Variants in ARID3C observed in about 807,000 individuals in gnomAD.
The protein encoded by ARID3C is AT-rich interactive domain-containing protein 3C.
A neutral mutation model predicts 37.9 loss-of-function variants in ARID3C; 42 were observed. The observed-to-expected ratio is 1.11, with a 90% confidence interval of 0.87 to 1.43. The LOEUF is 1.43. Among genes scored for constraint, ARID3C ranks in the 40% most tolerant of loss-of-function variants. The probability of loss-of-function intolerance (pLI) is 0.00; values close to 1 mark genes in which losing one functional copy is unlikely to be tolerated. For missense variants in ARID3C, 581 were observed against 548.8 expected (o/e 1.06, Z -0.59); for synonymous variants, 213 against 228.0 (o/e 0.93, Z 0.59).
At chr9:34,625,299 A>C (rs1820639793) in intron 2 of ARID3C, among the ~76,000 whole-genome samples, 1 of 152,084 alleles carries the variant, frequency 6.6e-6, no homozygotes, top group Admixed American at 6.6e-5. Context: ...CCACAGCCTC[A>C]ACTCACATAG....
At chr9:34,631,072 C>T (rs1587220590), upstream of ARID3C, among the ~76,000 whole-genome samples, 1 of 152,320 alleles carries the variant, frequency 6.6e-6, no homozygotes, top group Non-Finnish European at 1.5e-5. Flanking sequence ...GGGTAGCAAT[C>T]CACAGAACCC....
intron 1 of ARID3C, 75 bp from the exon 3 acceptor site, chr9:34,625,889 C>T: frequency 1.3e-6 from 2 of 1,541,598 alleles, no homozygotes; most frequent in Non-Finnish European, 1.8e-6. Context: ...CAGGTTGTAC[C>T]CTGAACAAGG....
At chr9:34,622,725 C>T (rs1820592645) in intron 4 of ARID3C, among the ~76,000 whole-genome samples, 196 bp from the exon 6 acceptor site, 1 of 152,212 alleles carries the variant, frequency 6.6e-6, no homozygotes, top group Non-Finnish European at 1.5e-5. Flanking sequence ...GATCAAGGTA[C>T]ATGTCTAGAC....
intron 1 of ARID3C, 150 bp downstream of exon 2, chr9:34,627,547 C>G: frequency 3.1e-6 from 2 of 649,002 alleles, no homozygotes; most frequent in Non-Finnish European, 5.0e-6. Context: ...CCAATCTTCT[C>G]TCTGTCTTTC....
chr9:34,629,091 ACCCGAGCGGGG>A (rs1820698758), upstream of ARID3C, among the ~76,000 whole-genome samples: 1 of 150,686 alleles, frequency 6.6e-6, no homozygotes, highest in Non-Finnish European at 1.5e-5. Flanking sequence ...CGGGGGCGGG[ACCCGAGCGGGG>A]CAGGGCGGGC....
chr9:34,626,406 A>G (rs1396387445), intron 1 of ARID3C, among the ~76,000 whole-genome samples: 1 of 152,134 alleles, frequency 6.6e-6, no homozygotes, highest in Non-Finnish European at 1.5e-5. Context: ...ACCTGCCTAC[A>G]GACGCTGCTA....
At chr9:34,624,090 C>A in intron 2 of ARID3C, 43 bp from the exon 4 acceptor site, 1 of 1,528,050 alleles carries the variant, frequency 6.5e-7, no homozygotes, top group East Asian at 2.4e-5. Context: ...AGACGAAGAC[C>A]CTGTCTGCAG....
chr9:34,623,693 C>A, exon 4 of ARID3C: 2 of 1,564,458 alleles, frequency 1.3e-6, no homozygotes, highest in East Asian at 2.3e-5. Context: ...CGCACTCGTA[C>A]GGGTACAGGT....
At chr9:34,624,225 G>C (rs540881810) in intron 2 of ARID3C, among the ~76,000 whole-genome samples, 178 bp from the exon 4 acceptor site, 1 of 151,188 alleles carries the variant, frequency 6.6e-6, no homozygotes, top group Non-Finnish European at 1.5e-5. Flanking sequence ...AGAACGGGGG[G>C]GGGCAAAGTT....
chr9:34,627,742 A>AG lies in ARID3C; in HGVS notation c.272dup (p.Gly92TrpfsTer18). Reference sequence around the variant, plus strand: ...AGGTCCACTCGTGGGGATGGAGTCCAGGGGGCTGGCTAGAAGGCGAGCTGG... The same window carrying AG: ...AGGTCCACTCGTGGGGATGGAGTCCAGGGGGGCTGGCTAGAAGGCGAGCTGG... On this transcript the variant is annotated frameshift_variant, in exon 1 of 7. Coordinates refer to ENST00000378909, the Ensembl canonical transcript of ARID3C. LOFTEE classifies it high-confidence loss of function. The AG allele has an allele frequency of 6.2e-7, 1 of 1,613,076 alleles. No homozygotes were observed. Among genetic ancestry groups the AG allele is most frequent in the Non-Finnish European group, 8.5e-7 (1 of 1,179,832 alleles).
chr9:34,623,897 G>A, exon 3 of ARID3C: 4 of 1,601,658 alleles, frequency 2.5e-6, no homozygotes, highest in Non-Finnish European at 3.4e-6. Context: ...CGAGGTGATG[G>A]TGGTGGGTAG....
At chr9:34,621,423 A>G (rs1300605445) in exon 7 of ARID3C, 6 of 1,390,642 alleles carry the variant, frequency 4.3e-6, no homozygotes, top group Non-Finnish European at 4.8e-6. Flanking sequence ...CCCCTCAGCA[A>G]TGGGGCTGGG....
exon 1 of ARID3C, chr9:34,627,935 G>A: frequency 1.3e-6 from 2 of 1,553,036 alleles, no homozygotes; most frequent in Non-Finnish European, 1.7e-6. Flanking sequence ...AGGCTGCGGT[G>A]GCAGCAGCGG....
At chr9:34,623,520 G>A (rs1820606782) in exon 4 of ARID3C, 1 of 1,561,956 alleles carries the variant, frequency 6.4e-7, no homozygotes, top group Non-Finnish European at 8.6e-7. Context: ...CTGGGTCGCC[G>A]GAGGGGCGGG....
At chr9:34,627,963 G>A in exon 1 of ARID3C, 1 of 1,539,836 alleles carries the variant, frequency 6.5e-7, no homozygotes, top group Non-Finnish European at 8.8e-7. Flanking sequence ...GGGGCCAATG[G>A]CCCCACCCCC....
intron 1 of ARID3C, among the ~76,000 whole-genome samples, chr9:34,626,822 C>T (rs12343216): frequency 0.026 from 3,931 of 152,210 alleles, 176 homozygotes; most frequent in African/African-American, 0.09. Context: ...CTGAGTAACA[C>T]TCAGTTTTAT....
chr9:34,623,495 T>A (rs1820606156), exon 4 of ARID3C: 2 of 1,546,416 alleles, frequency 1.3e-6, no homozygotes, highest in Non-Finnish European at 1.7e-6. Context: ...AACCCTGGGC[T>A]GGGCCAGGGC....
intron 4 of ARID3C, 128 bp downstream of exon 5, chr9:34,623,297 T>C: frequency 8.5e-7 from 1 of 1,174,476 alleles, no homozygotes; most frequent in Non-Finnish European, 1.1e-6. Flanking sequence ...CAGAAGCCCG[T>C]CAGACCTTAC....
chr9:34,624,223 G>C (rs575206533), intron 2 of ARID3C, among the ~76,000 whole-genome samples, 176 bp from the exon 4 acceptor site: 2 of 151,798 alleles, frequency 1.3e-5, no homozygotes, highest in East Asian at 1.9e-4. Context: ...CTAGAACGGG[G>C]GGGGGCAAAG....
Sources: gnomAD v4.1 joint callset for allele counts (sites outside exome capture counted in the v4.1 genomes callset) on GRCh38, gnomAD v4.1.1 for gene constraint, MANE v1.5 for transcripts, NCBI Gene and HGNC (gene_info 2026-07-23, HGNC 2026-07-21) for gene names.